Variants in CACHD1 observed in about 807,000 individuals in gnomAD.
The protein encoded by CACHD1 is VWFA and cache domain-containing protein 1.
Under a neutral mutation model 138.7 loss-of-function variants are expected in CACHD1, and 71 were observed. The observed-to-expected ratio is 0.51, with a 90% CI of 0.42 to 0.62. The LOEUF (loss-of-function observed/expected upper bound fraction) is 0.62, where lower values mean the gene tolerates loss of function less well. Ranked by LOEUF, CACHD1 falls within the 20% of genes least tolerant of loss-of-function variation. The probability of loss-of-function intolerance (pLI) is 0.00; values close to 1 mark genes in which losing one functional copy is unlikely to be tolerated. For synonymous variants in CACHD1, 578 were observed against 591.5 expected (o/e 0.98, Z 0.33); for missense variants, 1,389 against 1,625.3 (o/e 0.85, Z 2.50).
At chr1:64,531,109 TC>T (rs923228686) in intron 1 of CACHD1, among the ~76,000 whole-genome samples, 5 of 152,134 alleles carry the variant, frequency 3.3e-5, no homozygotes, top group African/African-American at 9.7e-5. Context: ...ATGGAATGCT[TC>T]TCTGCTGGCT....
intron 2 of CACHD1, among the ~76,000 whole-genome samples, chr1:64,572,958 TGC>T (rs1646937971): frequency 1.3e-5 from 2 of 152,228 alleles, no homozygotes; most frequent in Non-Finnish European, 2.9e-5. Flanking sequence ...TATCGTTTCC[TGC>T]CATGCCCAGG....
chr1:64,482,865 A>G (rs1430784243), intron 1 of CACHD1, among the ~76,000 whole-genome samples: 1 of 152,204 alleles, frequency 6.6e-6, no homozygotes, highest in East Asian at 1.9e-4. Context: ...TTATTAGAGC[A>G]TGAGCTCTTG....
At chr1:64,524,000 A>C (rs1646518009) in intron 1 of CACHD1, among the ~76,000 whole-genome samples, 1 of 151,192 alleles carries the variant, frequency 6.6e-6, no homozygotes, top group African/African-American at 2.5e-5. Flanking sequence ...TAAAGCTTTC[A>C]GAACAATGTT....
rs1371773265 is a variant in CACHD1, at chr1:64,635,085, T to C, written c.1006+825T>C. Reference sequence around the variant, plus strand: ...AATTATAGAGTGTTAACTGCGTTTTTCTCATCTTTTCCAATCAAAGATGGT... The same window carrying C: ...AATTATAGAGTGTTAACTGCGTTTTCCTCATCTTTTCCAATCAAAGATGGT... On this transcript the variant is annotated intron_variant, in intron 7 of 26. Coordinates refer to ENST00000651257, the MANE Select transcript of CACHD1 (RefSeq NM_020925.4). Among the ~76,000 whole-genome samples, 31 of 152,146 alleles carry C rather than the reference T, an allele frequency of 2.0e-4. No homozygotes were observed. The East Asian group carries it at 5.0e-3, about 25-fold the overall frequency.
intron 2 of CACHD1, among the ~76,000 whole-genome samples, chr1:64,559,353 G>T (rs1325761948): frequency 1.3e-5 from 2 of 152,196 alleles, no homozygotes; most frequent in African/African-American, 4.8e-5. Flanking sequence ...GAACATGGAT[G>T]GAGCTGAAGG....
intron 1 of CACHD1, among the ~76,000 whole-genome samples, chr1:64,491,168 A>G (rs1016154540): frequency 2.0e-5 from 3 of 152,112 alleles, no homozygotes; most frequent in African/African-American, 4.8e-5. Context: ...CATGCAGTCC[A>G]TGAATGCCAG....
intron 1 of CACHD1, among the ~76,000 whole-genome samples, chr1:64,532,475 A>G (rs1238716252): frequency 6.6e-6 from 1 of 152,150 alleles, no homozygotes; most frequent in African/African-American, 2.4e-5. Context: ...AGAGGCCTGG[A>G]GGTAGGCTGG....
At chr1:64,501,699 T>C (rs305523) in intron 1 of CACHD1, among the ~76,000 whole-genome samples, 134,955 of 152,244 alleles carry the variant, frequency 0.89, 60,311 homozygotes, top group East Asian at 0.97. Flanking sequence ...ATACTACCTA[T>C]CAGTACCTTT....
chr1:64,595,241 C>T (rs1194245086), intron 3 of CACHD1, among the ~76,000 whole-genome samples: 1 of 152,052 alleles, frequency 6.6e-6, no homozygotes, highest in Non-Finnish European at 1.5e-5. Context: ...GAGAACACAC[C>T]CAATTTACAG....
intron 3 of CACHD1, among the ~76,000 whole-genome samples, chr1:64,593,505 C>T (rs1647124706): frequency 6.6e-6 from 1 of 152,078 alleles, no homozygotes. Flanking sequence ...GTCACAAGGT[C>T]AAATAATGTG....
chr1:64,615,567 C>T (rs12059781), intron 4 of CACHD1, among the ~76,000 whole-genome samples: 2,243 of 152,164 alleles, frequency 0.015, 54 homozygotes, highest in African/African-American at 0.051. Context: ...GCCCATAGCA[C>T]GTATACAGTA....
intron 1 of CACHD1, among the ~76,000 whole-genome samples, chr1:64,511,544 A>G (rs917082951): frequency 6.6e-6 from 1 of 152,188 alleles, no homozygotes; most frequent in African/African-American, 2.4e-5. Context: ...ACCTTAGAGA[A>G]GTAGAGCTCA....
intron 1 of CACHD1, among the ~76,000 whole-genome samples, chr1:64,488,784 C>T (rs965641287): frequency 1.3e-5 from 2 of 152,120 alleles, no homozygotes; most frequent in Non-Finnish European, 2.9e-5. Context: ...AGAAATGATT[C>T]TCATGTTGAA....
intron 2 of CACHD1, among the ~76,000 whole-genome samples, chr1:64,571,881 C>G (rs1386066226): frequency 6.6e-6 from 1 of 152,180 alleles, no homozygotes. Flanking sequence ...AGTCTGGGCT[C>G]TGTGAAATTT....
intron 4 of CACHD1, among the ~76,000 whole-genome samples, chr1:64,618,183 C>T (rs1021167090): frequency 6.6e-6 from 1 of 151,970 alleles, no homozygotes; most frequent in Non-Finnish European, 1.5e-5. Context: ...GATAATAAAA[C>T]TTACCTCAAA....
intron 6 of CACHD1, 57 bp from the exon 7 acceptor site, chr1:64,633,987 A>G (rs1242387565): frequency 1.4e-6 from 2 of 1,384,540 alleles, no homozygotes; most frequent in Non-Finnish European, 2.0e-6. Flanking sequence ...AAATAAATAA[A>G]TCTTTAGACG....
chr1:64,606,951 G>A (rs958552982), intron 4 of CACHD1, among the ~76,000 whole-genome samples: 1 of 152,176 alleles, frequency 6.6e-6, no homozygotes, highest in Non-Finnish European at 1.5e-5. Context: ...GCAGGTTTGT[G>A]TGAGAGGCAG....
intron 4 of CACHD1, among the ~76,000 whole-genome samples, chr1:64,612,691 C>CA (rs542773002): frequency 6.1e-4 from 92 of 150,864 alleles, no homozygotes; most frequent in Admixed American, 3.9e-3. Context: ...CCCCACTCCT[C>CA]AAAAAAAAAG....
chr1:64,658,471 A>G (rs907366486), intron 12 of CACHD1, among the ~76,000 whole-genome samples: 4 of 152,344 alleles, frequency 2.6e-5, no homozygotes, highest in African/African-American at 9.6e-5. Context: ...CGTTAGCCCC[A>G]TGATTTTCTG....
Sources: allele counts gnomAD v4.1 joint callset (sites outside exome capture counted in the v4.1 genomes callset), GRCh38; gene constraint gnomAD v4.1.1; transcripts MANE v1.5; gene names NCBI Gene and HGNC (gene_info 2026-07-23, HGNC 2026-07-21).